Variants in ARMC12 observed in about 807,000 individuals in gnomAD.
ARMC12 encodes armadillo repeat containing 12.
A neutral mutation model predicts 37.4 loss-of-function variants in ARMC12; 25 were observed. That is an observed-to-expected ratio of 0.67 (90% CI 0.49 to 0.93). ARMC12 has a LOEUF of 0.93. Ranked by LOEUF, ARMC12 falls within the 40% of genes least tolerant of loss-of-function variation. The pLI is 0.00. For missense variants in ARMC12, 384 were observed against 426.6 expected (o/e 0.90, Z 0.88); for synonymous variants, 167 against 176.1 (o/e 0.95, Z 0.41).
At chr6:35,736,904 C>T (rs542167680), upstream of ARMC12, 10 of 708,318 alleles carry the variant, frequency 1.4e-5, no homozygotes, top group South Asian at 1.9e-4. Flanking sequence ...GCCATGGTGC[C>T]TGGCCCCATC....
chr6:35,737,979 C>A, intron 1 of ARMC12, 48 bp from the exon 2 acceptor site: 1 of 1,606,354 alleles, frequency 6.2e-7, no homozygotes, highest in Non-Finnish European at 8.5e-7. Context: ...CCCATTCTTT[C>A]ATCACTTCTG....
intron 5 of ARMC12, 23 bp downstream of exon 5, chr6:35,747,670 G>T: frequency 1.2e-6 from 2 of 1,607,562 alleles, no homozygotes; most frequent in Non-Finnish European, 8.5e-7. Context: ...TTGAAGAGGG[G>T]CTGATGAATG....
chr6:35,747,740 T>C, intron 5 of ARMC12, 93 bp downstream of exon 5: 1 of 1,331,798 alleles, frequency 7.5e-7, no homozygotes, highest in Non-Finnish European at 1.1e-6. Flanking sequence ...TTACCCCTGA[T>C]GAATTGTTTT....
At chr6:35,738,753 C>A (rs1220387917) in intron 3 of ARMC12, among the ~76,000 whole-genome samples, 1 of 152,068 alleles carries the variant, frequency 6.6e-6, no homozygotes, top group Admixed American at 6.5e-5. Context: ...GAGAAGGACC[C>A]CCACTACCCC....
At chr6:35,742,356 C>T (rs1455171016) in intron 3 of ARMC12, among the ~76,000 whole-genome samples, 1 of 151,542 alleles carries the variant, frequency 6.6e-6, no homozygotes, top group Non-Finnish European at 1.5e-5. Context: ...ATTAGCCGGA[C>T]GTGGTGGCGG....
chr6:35,743,062 C>T (rs1767222947), intron 3 of ARMC12, among the ~76,000 whole-genome samples: 2 of 152,128 alleles, frequency 1.3e-5, no homozygotes, highest in Admixed American at 1.3e-4. Context: ...TGCGGGTCGC[C>T]ACGGCTTTTG....
intron 3 of ARMC12, among the ~76,000 whole-genome samples, chr6:35,742,488 C>A (rs1236460315): frequency 9.1e-6 from 1 of 110,250 alleles, no homozygotes; most frequent in East Asian, 2.7e-4. Context: ...CAGAACGAGA[C>A]TCTGTCTCAA....
chr6:35,741,369 C>T (rs973413019), intron 3 of ARMC12, among the ~76,000 whole-genome samples: 6 of 151,786 alleles, frequency 4.0e-5, no homozygotes, highest in East Asian at 3.9e-4. Flanking sequence ...CAGCCCTGCA[C>T]GAGTGTTCTA....
rs766790002 is a variant in ARMC12 at position 35,738,090 on chromosome 6, C to A, written c.227C>A (p.Ser76Tyr). 6.2e-7 allele frequency: 1 copy of A among 1,614,112 alleles called. No individual in the cohort carries two copies. The highest frequency in any genetic ancestry group is 8.5e-7 in the Non-Finnish European group (1 of 1,180,040). Residue 76 changes from serine (S) to tyrosine (Y), a missense_variant, in exon 2 of 6, where the codon TCT becomes TAT. Ser to Tyr is a moderately radical substitution (Grantham distance 144, BLOSUM62 -2). Coordinates refer to ENST00000373866, the MANE Select transcript of ARMC12 (RefSeq NM_001286574.2). ...DSGELRRLLN[S>Y]LECKQDEYAK... ...GGTGAGCTCCGGAGGCTCCTCAACT[C>A]TTTGGAGTGCAAACAGGATGAGTAT...
chr6:35,737,246 T>C lies in ARMC12; in HGVS notation c.138T>C (p.Cys46=), dbSNP rs768526422. The C allele has an allele frequency of 6.2e-7, 1 of 1,614,226 alleles. No individual in the cohort carries two copies. The highest frequency in any genetic ancestry group is 8.5e-7 in the Non-Finnish European group (1 of 1,180,034). The change falls in exon 1 of 6, where the codon TGT becomes TGC. Residue 46 remains cysteine (C), a synonymous_variant. Coordinates refer to ENST00000373866, the MANE Select transcript of ARMC12 (RefSeq NM_001286574.2). The part of the protein sequence containing the change: ...KAGIKCKPPL[C]SNSPICIARL... The stretch of plus-strand genomic sequence containing the variant: ...GCATAAAATGCAAACCACCCCTCTG[T>C]AGCAACTCACCCATCTGCATCGCCC...
At chr6:35,734,305 A>C (rs891528312), upstream of ARMC12, among the ~76,000 whole-genome samples, 3 of 152,056 alleles carry the variant, frequency 2.0e-5, no homozygotes, top group African/African-American at 7.2e-5. Flanking sequence ...GACTACAGGC[A>C]CGCACCACCA....
At chr6:35,744,896 A>AAATGC (rs2151044765) in intron 3 of ARMC12, among the ~76,000 whole-genome samples, 1 of 152,364 alleles carries the variant, frequency 6.6e-6, no homozygotes, top group South Asian at 2.1e-4. Flanking sequence ...GCCATTAGGG[A>AAATGC]AATGCAATGA....
chr6:35,737,969 C>G (rs778621345), intron 1 of ARMC12, 58 bp from the exon 2 acceptor site: 2 of 1,603,798 alleles, frequency 1.2e-6, no homozygotes, highest in South Asian at 1.1e-5. Context: ...ACTTCCCAAC[C>G]CCATTCTTTC....
Position 35,748,918 on chromosome 6 carries a change from C to A in ARMC12, c.*48C>A. The A allele has an allele frequency of 6.5e-7, 1 of 1,532,340 alleles. No individual in the cohort carries two copies. Among genetic ancestry groups the A allele is most frequent in the Non-Finnish European group, 8.8e-7 (1 of 1,137,626 alleles). 94.9% of individuals were successfully genotyped at this position (1,532,340 alleles called of 1,614,324 possible). ...AGTATAGGAGAGAAACTTGAAGTTT[C>A]TTGAAGCTCGAATGTCTGTTGGTGG... On this transcript the variant is annotated 3_prime_UTR_variant, in exon 6 of 6. Coordinates refer to ENST00000373866, the MANE Select transcript of ARMC12 (RefSeq NM_001286574.2).
intron 3 of ARMC12, among the ~76,000 whole-genome samples, chr6:35,739,562 A>G (rs1392905278): frequency 6.6e-6 from 1 of 152,232 alleles, no homozygotes; most frequent in Non-Finnish European, 1.5e-5. Flanking sequence ...GATCCACAGT[A>G]AAACTTGTTT....
At position 35,739,845 on chromosome 6, in the gene ARMC12, T is replaced by C. The variant is rs549345442; in HGVS notation, c.444+1327T>C. ...CTCTTTGAACCCCATTGGTCAGAGG[T>C]TTTTATTATGTAGTCTTGATGAATT... On this transcript the variant is annotated intron_variant, in intron 3 of 5. Coordinates refer to ENST00000373866, the MANE Select transcript of ARMC12 (RefSeq NM_001286574.2). 7.9e-5 allele frequency among the ~76,000 whole-genome samples: 12 copies of C among 152,194 alleles called. No individual in the cohort carries two copies. In the South Asian group the frequency reaches 1.7e-3, roughly 21 times the overall value.
At chr6:35,736,373 G>A (rs936076709), upstream of ARMC12, among the ~76,000 whole-genome samples, 6 of 152,142 alleles carry the variant, frequency 3.9e-5, no homozygotes, top group East Asian at 1.9e-4. Flanking sequence ...GGGAGGGCCC[G>A]GAAAGAAAAG....
chr6:35,749,079 CTTTCT>C, downstream of ARMC12: 2 of 485,158 alleles, frequency 4.1e-6, no homozygotes, highest in Non-Finnish European at 6.9e-6. Flanking sequence ...TGCTGCTTTT[CTTTCT>C]TTTTTTTTTT....
At chr6:35,746,006 A>G (rs1217755174) in intron 3 of ARMC12, among the ~76,000 whole-genome samples, 1 of 152,320 alleles carries the variant, frequency 6.6e-6, no homozygotes, top group East Asian at 1.9e-4. Flanking sequence ...AGATCTCACC[A>G]CTGCATTCCA....
Sources: gnomAD v4.1 joint callset for allele counts (sites outside exome capture counted in the v4.1 genomes callset) on GRCh38, gnomAD v4.1.1 for gene constraint, MANE v1.5 for transcripts, NCBI Gene and HGNC (gene_info 2026-07-23, HGNC 2026-07-21) for gene names.